Variants in RIPOR2 observed in about 807,000 individuals in gnomAD.
RIPOR2 encodes the protein RHO family interacting cell polarization regulator 2, also known as rho family-interacting cell polarization regulator 2.
Under a neutral mutation model 114.5 loss-of-function variants are expected in RIPOR2, and 39 were observed. That is an observed-to-expected ratio of 0.34 (90% confidence interval 0.26 to 0.44). The LOEUF is 0.44. Ranked by LOEUF, RIPOR2 falls within the 20% of genes least tolerant of loss-of-function variation. The probability of loss-of-function intolerance (pLI) is 1.00; values close to 1 mark genes in which losing one functional copy is unlikely to be tolerated. For synonymous variants in RIPOR2, 445 were observed against 484.4 expected (o/e 0.92, Z 1.07); for missense variants, 1,007 against 1,255.1 (o/e 0.80, Z 2.99).
intron 1 of RIPOR2, among the ~76,000 whole-genome samples, chr6:25,018,253 A>G (rs985443969): frequency 2.6e-5 from 4 of 152,234 alleles, no homozygotes; most frequent in African/African-American, 7.2e-5. Flanking sequence ...ACTTCTTCCT[A>G]ATGCTTTACA....
At chr6:24,982,189 T>C (rs1451793651) in intron 1 of RIPOR2, among the ~76,000 whole-genome samples, 1 of 152,244 alleles carries the variant, frequency 6.6e-6, no homozygotes, top group Non-Finnish European at 1.5e-5. Context: ...CCATAAAGTA[T>C]AGAAAATGAA....
chr6:24,852,341 AATG>A (rs1463474776), intron 9 of RIPOR2, among the ~76,000 whole-genome samples: 1 of 152,134 alleles, frequency 6.6e-6, no homozygotes, highest in African/African-American at 2.4e-5. Context: ...TGACAGCAAT[AATG>A]ATGATGATGA....
chr6:24,991,796 C>A (rs1774827549), intron 1 of RIPOR2, among the ~76,000 whole-genome samples: 1 of 152,118 alleles, frequency 6.6e-6, no homozygotes, highest in Admixed American at 6.5e-5. Context: ...GAATAGCCTC[C>A]TAGAGACAGC....
chr6:24,914,813 C>T (rs1317232360), intron 1 of RIPOR2, among the ~76,000 whole-genome samples: 2 of 152,218 alleles, frequency 1.3e-5, no homozygotes, highest in Non-Finnish European at 2.9e-5. Flanking sequence ...CCCTGACTTA[C>T]AGCTTCACAT....
intron 1 of RIPOR2, among the ~76,000 whole-genome samples, chr6:24,967,827 A>ATCT (rs980335688): frequency 4.0e-5 from 6 of 151,558 alleles, no homozygotes; most frequent in Admixed American, 6.6e-5. Flanking sequence ...CAGACTAAGT[A>ATCT]TCTGGGACTT....
At chr6:24,806,820 T>C (rs137916209) in intron 21 of RIPOR2, among the ~76,000 whole-genome samples, 5 of 152,366 alleles carry the variant, frequency 3.3e-5, no homozygotes, top group South Asian at 2.1e-4. Context: ...GATTTCAATA[T>C]GGCTAATGCA....
chr6:24,828,290 G>A lies in RIPOR2; in HGVS notation c.2512C>T (p.Arg838Ter), dbSNP rs1390766276. 6 of 1,544,986 alleles carry A rather than the reference G, an allele frequency of 3.9e-6. No individual in the cohort carries two copies. Among genetic ancestry groups the A allele is most frequent in the Admixed American group, 2.0e-5 (1 of 49,952 alleles). The change falls in exon 18 of 22, where the codon CGA becomes TGA. Residue 838 changes from arginine to a stop codon, truncating the protein, a stop_gained. Transcript: ENST00000643898. LOFTEE classifies it high-confidence loss of function. ...EYPGLADPVF[R>*]TLVSQILDRA... ...TCCAGAATTTGGGACACCAGGGTTCGAAACACTATTCGGAAGGGAAAGACA... is the reference window on the plus strand; with the variant it reads ...TCCAGAATTTGGGACACCAGGGTTCAAAACACTATTCGGAAGGGAAAGACA...
At chr6:24,818,258 G>A (rs770020580) in intron 20 of RIPOR2, among the ~76,000 whole-genome samples, 9 of 151,986 alleles carry the variant, frequency 5.9e-5, no homozygotes, top group Non-Finnish European at 1.2e-4. Context: ...CCACTGTGCC[G>A]GCTAATAAGA....
chr6:24,999,828 TTACAGGCATGAGC>T (rs1329810089), intron 1 of RIPOR2, among the ~76,000 whole-genome samples: 1 of 152,156 alleles, frequency 6.6e-6, no homozygotes, highest in Admixed American at 6.5e-5. Flanking sequence ...AGTGCTGGGA[TTACAGGCATGAGC>T]TACCGCGCCC....
In RIPOR2 at chr6:24,927,215, C is replaced by T. The variant is rs111218297; in HGVS notation, c.61+8623G>A. Among the ~76,000 whole-genome samples the T allele has an allele frequency of 0.081, 55 of 682 alleles. 21 individuals carry two copies. The East Asian group carries it at 1, about 12-fold the overall frequency. 0.4% of individuals were successfully genotyped at this position (682 alleles called of 152,430 possible). On this transcript the variant is annotated intron_variant, in intron 1 of 21. Coordinates refer to ENST00000643898, the MANE Select transcript of RIPOR2 (RefSeq NM_001286445.3). ...ACCACAACTACAAGCACCACCACCA[C>T]CACTACCACCAGCACCACCACAACT...
At chr6:24,819,684 G>GTTTTTTTTTTTTTTT (rs1759503979) in intron 19 of RIPOR2, among the ~76,000 whole-genome samples, 1 of 71,266 alleles carries the variant, frequency 1.4e-5, no homozygotes, top group African/African-American at 4.0e-5. Context: ...TTTTTTTTTA[G>GTTTTTTTTTTTTTTT]TGGAGACAGG....
intron 1 of RIPOR2, among the ~76,000 whole-genome samples, chr6:24,918,097 G>T (rs531318693): frequency 8.5e-4 from 130 of 152,300 alleles, no homozygotes; most frequent in Non-Finnish European, 1.5e-3. Flanking sequence ...GTCCAGGTGG[G>T]TCTAGCCAAT....
chr6:24,978,284 C>T (rs1281508378), intron 1 of RIPOR2, among the ~76,000 whole-genome samples: 2 of 152,056 alleles, frequency 1.3e-5, no homozygotes, highest in African/African-American at 4.8e-5. Flanking sequence ...TTCACTGAGC[C>T]TGAATGTCCC....
intron 13 of RIPOR2, chr6:24,840,188 CA>C: frequency 1.0e-6 from 1 of 962,456 alleles, no homozygotes. Context: ...TGGGCTCCAG[CA>C]ATCCTGGGCT....
chr6:25,034,442 G>A lies in RIPOR2; in HGVS notation c.76+7409C>T, dbSNP rs75470093. ...TACTCACATAGTGGGTTGAATCTAG[G>A]CTAACATATTTCAAGATGCTTTGCA... On this transcript the variant is annotated intron_variant, in intron 1 of 13. Transcript: ENST00000510784. Among the ~76,000 whole-genome samples, 1,125 of 152,176 alleles carry A rather than the reference G, an allele frequency of 7.4e-3. 8 individuals are homozygous for A. The highest frequency in any genetic ancestry group is 0.026 in the African/African-American group (1,061 of 41,518).
chr6:24,958,635 G>A (rs2114216430), intron 1 of RIPOR2, among the ~76,000 whole-genome samples: 1 of 152,264 alleles, frequency 6.6e-6, no homozygotes, highest in Admixed American at 6.5e-5. Flanking sequence ...GATGTTTGAT[G>A]AGCTACACTG....
At chr6:25,016,080 A>G (rs1011510745) in intron 1 of RIPOR2, among the ~76,000 whole-genome samples, 3 of 151,044 alleles carry the variant, frequency 2.0e-5, no homozygotes, top group African/African-American at 7.3e-5. Context: ...ATTTTTTTGT[A>G]TTTTTAGTAG....
chr6:24,948,219 T>C (rs1231107626), intron 1 of RIPOR2: 1 of 152,204 alleles, frequency 6.6e-6, no homozygotes, highest in Non-Finnish European at 1.5e-5. Flanking sequence ...CTTCGATTCT[T>C]ATATAGTCCC....
At chr6:24,953,329 GC>G (rs5875015) in intron 1 of RIPOR2, among the ~76,000 whole-genome samples, 140,422 of 151,934 alleles carry the variant, frequency 0.92, 65,322 homozygotes, top group East Asian at 0.99. Flanking sequence ...GCAAAACTCT[GC>G]CCCCCCCCAA....
Sources: allele counts gnomAD v4.1 joint callset (sites outside exome capture counted in the v4.1 genomes callset), GRCh38; gene constraint gnomAD v4.1.1; transcripts MANE v1.5; gene names NCBI Gene and HGNC (gene_info 2026-07-23, HGNC 2026-07-21).